HSPG2: variants seen among roughly 807,000 people sequenced by gnomAD.
HSPG2 encodes heparan sulfate proteoglycan 2.
Under a neutral mutation model 526.6 loss-of-function variants are expected in HSPG2, and 278 were observed. That is an observed-to-expected ratio of 0.53 (90% CI 0.48 to 0.58). The LOEUF (loss-of-function observed/expected upper bound fraction) is 0.58, where lower values mean the gene tolerates loss of function less well. Among genes scored for constraint, HSPG2 ranks in the 20% least tolerant of loss-of-function variants. The pLI is 0.00. For missense variants in HSPG2, 5,354 were observed against 6,099.5 expected (o/e 0.88, Z 4.07); for synonymous variants, 2,465 against 2,555.4 (o/e 0.96, Z 1.07).
At position 21,848,561 on chromosome 1, in the gene HSPG2, A is replaced by G; in HGVS notation, c.7737+82T>C. 6.9e-7 allele frequency: 1 copy of G among 1,459,114 alleles called. No individual in the cohort carries two copies. The highest frequency in any genetic ancestry group is 2.3e-5 in the East Asian group (1 of 44,164). 90.4% of individuals were successfully genotyped at this position (1,459,114 alleles called of 1,614,324 possible). On this transcript the variant is annotated intron_variant, in intron 59 of 96. Transcript: ENST00000374695. The surrounding 1 kb of genome is among the most constrained non-coding windows in gnomAD (Gnocchi z 4.9). The stretch of plus-strand genomic sequence containing the variant: ...TTGTTGAATGACTGAATGAGCACAG[A>G]GTGAGGTGCTGAGAGTCCCCCCTCT...
intron 84 of HSPG2, 39 bp downstream of exon 84, chr1:21,831,176 G>A (rs1332118108): frequency 3.7e-6 from 6 of 1,601,818 alleles, no homozygotes; most frequent in Non-Finnish European, 4.3e-6. Context: ...TAGGGGTGGA[G>A]GCCACGGCAG....
Position 21,829,060 on chromosome 1 carries a change from G to A in HSPG2, c.12012C>T (p.Ser4004=), listed in dbSNP as rs16825967. The change falls in exon 88 of 97, where the codon AGC becomes AGT. Residue 4004 remains serine, a synonymous_variant. Transcript: ENST00000374695. ...ELGSGLAVLR[S]AEPLALGRWH... The stretch of plus-strand genomic sequence containing the variant: ...AGCGGCCCAGGGCCAGCGGCTCGGC[G>A]CTCCGCAGAACGGCCAGCCCTGGGG... 8.1e-4 allele frequency: 1,257 copies of A among 1,543,244 alleles called. 10 individuals are homozygous for A. The African/African-American group carries it at 0.015, about 18-fold the overall frequency.
At position 21,857,105 on chromosome 1, in the gene HSPG2, T is replaced by G; in HGVS notation, c.5485A>C (p.Asn1829His). 1 of 1,614,108 alleles carries G rather than the reference T, an allele frequency of 6.2e-7. No individual in the cohort carries two copies. Among genetic ancestry groups the G allele is most frequent in the Non-Finnish European group, 8.5e-7 (1 of 1,180,010 alleles). Reference sequence around the variant, plus strand: ...GTGCCTGCATCACTCAGCTGGACGTTGCGAATGGTCAGGATGCCATTGAAA... The same window carrying G: ...GTGCCTGCATCACTCAGCTGGACGTGGCGAATGGTCAGGATGCCATTGAAA... The part of the protein sequence containing the change: ...MDFNGILTIR[N>H]VQLSDAGTYV... Residue 1829 changes from asparagine (N) to histidine (H), a missense_variant, in exon 44 of 97, where the codon AAC (asparagine) becomes CAC (histidine). Coordinates refer to ENST00000374695, the MANE Select transcript of HSPG2 (RefSeq NM_005529.7).
chr1:21,874,501 A>G lies in HSPG2; in HGVS notation c.3561T>C (p.Cys1187=). 6.2e-7 allele frequency: 1 copy of G among 1,613,212 alleles called. No homozygotes were observed. Among genetic ancestry groups the G allele is most frequent in the Non-Finnish European group, 8.5e-7 (1 of 1,179,958 alleles). Residue 1187 remains cysteine, a synonymous_variant, in exon 28 of 97, where the codon TGT becomes TGC. Coordinates refer to ENST00000374695, the MANE Select transcript of HSPG2 (RefSeq NM_005529.7). ...GCQHHTEGPR[C]EQCQPGYYGD... The stretch of plus-strand genomic sequence containing the variant: ...CGTAGTATCCTGGCTGGCACTGCTC[A>G]CACCGAGGGCCCTCCGTGTGATGCT...
intron 91 of HSPG2, among the ~76,000 whole-genome samples, chr1:21,826,600 C>T (rs2097975770): frequency 6.6e-6 from 1 of 152,054 alleles, no homozygotes; most frequent in Non-Finnish European, 1.5e-5. Flanking sequence ...ACCTCCACCT[C>T]CCAGGTTCAA....
chr1:21,927,397 T>TA lies in HSPG2; in HGVS notation c.63+9757dup, dbSNP rs141000748. ...TCTCTGAGGCCACGGGAGCCAGATT[T>TA]AGAGTCGAGCAGCCCCACATCCCAC... On this transcript the variant is annotated intron_variant, in intron 1 of 96. Coordinates refer to ENST00000374695, the MANE Select transcript of HSPG2 (RefSeq NM_005529.7). Among the ~76,000 whole-genome samples the TA allele has an allele frequency of 4.2e-3, 638 of 152,118 alleles. 4 individuals carry two copies. The highest frequency in any genetic ancestry group is 6.5e-3 in the Non-Finnish European group (445 of 67,956).
intron 33 of HSPG2, among the ~76,000 whole-genome samples, chr1:21,868,331 C>T (rs1268594678): frequency 6.6e-6 from 1 of 152,190 alleles, no homozygotes; most frequent in African/African-American, 2.4e-5. Context: ...AGCCACCACG[C>T]CCAGCCTGCT....
rs748655102 is a variant in HSPG2, at chr1:21,864,920, C to T, written c.4549G>A (p.Gly1517Arg). The change falls in exon 36 of 97, where the codon GGG becomes AGG. Residue 1517 changes from glycine to arginine, a missense_variant. Gly to Arg is a moderately radical substitution (Grantham distance 125). Transcript: ENST00000374695. This position sits in a 1 kb window ranked among gnomAD's most constrained non-coding sequence, Gnocchi z 4.8. ...SAVSLEVAQP[G>R]PSNRPRALEV... ...AGGGCGCGGGGTCTGTTTGAGGGCC[C>T]CGGCTGGGCGACCTCCAGGCTGACT... 1 of 1,608,764 alleles carries T rather than the reference C, an allele frequency of 6.2e-7. No individual in the cohort carries two copies. Among genetic ancestry groups the T allele is most frequent in the Middle Eastern group, 1.7e-4 (1 of 6,060 alleles).
In HSPG2 at chr1:21,872,689, G is replaced by A. The variant is rs760260190; in HGVS notation, c.3960C>T (p.Asp1320=). 2.1e-5 allele frequency: 33 copies of A among 1,607,588 alleles called. No homozygotes were observed. Among genetic ancestry groups the A allele is most frequent in the Admixed American group, 1.4e-4 (8 of 58,624 alleles). The part of the protein sequence containing the change: ...HHFHLSASNP[D]GCLPCFCMGI... ...CCATACAGAAGCAGGGCAGGCAGCCGTCTGGGTTGCTGGCACTCAGGTGGA... is the reference window on the plus strand; with the variant it reads ...CCATACAGAAGCAGGGCAGGCAGCCATCTGGGTTGCTGGCACTCAGGTGGA... The change falls in exon 32 of 97, where the codon GAC becomes GAT. Residue 1320 remains aspartate (D), a synonymous_variant. Coordinates refer to ENST00000374695, the MANE Select transcript of HSPG2 (RefSeq NM_005529.7). The surrounding 1 kb of genome is among the most constrained non-coding windows in gnomAD (Gnocchi z 5.5).
chr1:21,856,240 C>T (rs867523440), intron 44 of HSPG2, among the ~76,000 whole-genome samples: 2 of 152,198 alleles, frequency 1.3e-5, no homozygotes, highest in African/African-American at 4.8e-5. Context: ...AACATAGCAA[C>T]GTGCTCCTGC....
chr1:21,829,774 C>T lies in HSPG2; in HGVS notation c.11771-170G>A, dbSNP rs553244666. Reference sequence around the variant, plus strand: ...ACAGGAGCCCCCCTGCCCTTGCACACGGGGCTGGGAGGAGCTCCAATATGA... The same window carrying T: ...ACAGGAGCCCCCCTGCCCTTGCACATGGGGCTGGGAGGAGCTCCAATATGA... On this transcript the variant is annotated intron_variant, in intron 86 of 96. Transcript: ENST00000374695. 4.0e-4 allele frequency: 283 copies of T among 711,508 alleles called. 1 individual carries two copies. Among genetic ancestry groups the T allele is most frequent in the African/African-American group, 1.3e-3 (72 of 56,470 alleles). The allele number at this position is 711,508 out of a possible 1,614,324, so 44.1% of individuals were successfully genotyped here.
Position 21,890,028 on chromosome 1 carries a change from G to A in HSPG2, c.527C>T (p.Ser176Phe). ...LRVISSGSVA[S>F]YVTSPQGFQF... The stretch of plus-strand genomic sequence containing the variant: ...GAATCCCTGGGGAGAGGTGACGTAG[G>A]AGGCCACAGAGCCGCTGGAGATGAC... Residue 176 changes from serine (S) to phenylalanine (F), a missense_variant, in exon 6 of 97, where the codon TCC becomes TTC. By Grantham distance (155) the Ser-to-Phe change is radical. Transcript: ENST00000374695. The surrounding 1 kb of genome is among the most constrained non-coding windows in gnomAD (Gnocchi z 4.1). 3.1e-6 allele frequency: 5 copies of A among 1,614,108 alleles called. No homozygotes were observed. The highest frequency in any genetic ancestry group is 4.2e-6 in the Non-Finnish European group (5 of 1,179,996).
intron 1 of HSPG2, among the ~76,000 whole-genome samples, chr1:21,926,675 G>A (rs1399965571): frequency 6.9e-6 from 1 of 144,914 alleles, no homozygotes; most frequent in South Asian, 2.2e-4. Context: ...CAAAAGAATC[G>A]CTATTGAATC....
intron 1 of HSPG2, among the ~76,000 whole-genome samples, chr1:21,927,824 T>G (rs1195497472): frequency 6.6e-6 from 1 of 152,128 alleles, no homozygotes; most frequent in African/African-American, 2.4e-5. Context: ...CACCCGGAGC[T>G]CTGAGACTGC....
Position 21,839,121 on chromosome 1 carries a change from G to A in HSPG2, c.9890-36C>T, listed in dbSNP as rs376620881. On this transcript the variant is annotated intron_variant, in intron 73 of 96. Coordinates refer to ENST00000374695, the MANE Select transcript of HSPG2 (RefSeq NM_005529.7). This position sits in a 1 kb window ranked among gnomAD's most constrained non-coding sequence, Gnocchi z 4.5. Reference sequence around the variant, plus strand: ...GGACACAGAGGTCAGGATTGGGGAGGGCAAAGGTCAGAATGGCAGCAGGTC... The same window carrying A: ...GGACACAGAGGTCAGGATTGGGGAGAGCAAAGGTCAGAATGGCAGCAGGTC... 43 of 1,557,480 alleles carry A rather than the reference G, an allele frequency of 2.8e-5. No homozygotes were observed. The highest frequency in any genetic ancestry group is 3.5e-5 in the Non-Finnish European group (40 of 1,149,114).
At chr1:21,833,687 C>T (rs2098014394) in intron 78 of HSPG2, 73 bp from the exon 79 acceptor site, 7 of 1,599,718 alleles carry the variant, frequency 4.4e-6, no homozygotes, top group Non-Finnish European at 6.0e-6. Context: ...ATCTGTGCCT[C>T]AGGCCCACCT....
chr1:21,872,531 G>A lies in HSPG2; in HGVS notation c.4029+89C>T, dbSNP rs774053433. Reference sequence around the variant, plus strand: ...GGGCATGTGAGGGTACTGAGGCGGGGATGAGGGTCGCTGGGCTCAGTGCTC... The same window carrying A: ...GGGCATGTGAGGGTACTGAGGCGGGAATGAGGGTCGCTGGGCTCAGTGCTC... On this transcript the variant is annotated intron_variant, in intron 32 of 96. Coordinates refer to ENST00000374695, the MANE Select transcript of HSPG2 (RefSeq NM_005529.7). This position sits in a 1 kb window ranked among gnomAD's most constrained non-coding sequence, Gnocchi z 5.5. 9.4e-6 allele frequency: 14 copies of A among 1,492,422 alleles called. No homozygotes were observed. Among genetic ancestry groups the A allele is most frequent in the Non-Finnish European group, 1.3e-5 (14 of 1,095,204 alleles). 92.4% of individuals were successfully genotyped at this position (1,492,422 alleles called of 1,614,324 possible). A position where few individuals can be genotyped will look rare whatever the true frequency, so the allele number is the denominator to read the frequency against.
rs112109955 is a variant in HSPG2, at chr1:21,863,949, G to A, written c.4740+151C>T. The A allele has an allele frequency of 4.6e-3, 3,094 of 678,502 alleles. 58 individuals are homozygous for A. The highest frequency in any genetic ancestry group is 0.044 in the African/African-American group (2,504 of 56,784). The allele number at this position is 678,502 out of a possible 1,614,324, so 42.0% of individuals were successfully genotyped here. Reference sequence around the variant, plus strand: ...TAGCTCTGGCCACCCCACCATCCCCGGTGACCTGGCCTGCTGACCCAGGTG... The same window carrying A: ...TAGCTCTGGCCACCCCACCATCCCCAGTGACCTGGCCTGCTGACCCAGGTG... On this transcript the variant is annotated intron_variant, in intron 37 of 96. Transcript: ENST00000374695.
rs1643488968 is a variant in HSPG2, at chr1:21,908,320, G to A, written c.64-12010C>T. 7.1e-6 allele frequency: 7 copies of A among 990,360 alleles called. No homozygotes were observed. In the East Asian group the frequency reaches 1.7e-4, roughly 24 times the overall value. The allele number at this position is 990,360 out of a possible 1,614,324, so 61.3% of individuals were successfully genotyped here. On this transcript the variant is annotated intron_variant, in intron 1 of 96. Transcript: ENST00000374695. ...TGTTATCCAGTATGCTGCTAGCATT[G>A]TTGTAAACAAACAAGTTAAGGGCAA...
Sources: allele counts gnomAD v4.1 joint callset (sites outside exome capture counted in the v4.1 genomes callset), GRCh38; gene constraint gnomAD v4.1.1; non-coding constraint Gnocchi (gnomAD v3.1); transcripts MANE v1.5; gene names NCBI Gene and HGNC (gene_info 2026-07-23, HGNC 2026-07-21).